Variants in ZAP70 observed in about 807,000 individuals in gnomAD.
ZAP70 encodes the protein zeta chain of T cell receptor associated protein kinase 70.
ZAP70 carries 27 observed loss-of-function variants against 65.8 expected under a neutral mutation model. The ratio of observed to expected loss-of-function variants is 0.41; its 90% CI spans 0.30 to 0.57. The LOEUF is 0.57. ZAP70 is among the 20% of genes least tolerant of loss of function. The pLI, the probability that ZAP70 is intolerant of heterozygous loss-of-function variation, is 0.28. For missense variants in ZAP70, 696 were observed against 870.5 expected (o/e 0.80, Z 2.52); for synonymous variants, 363 against 360.8 (o/e 1.01, Z -0.07).
At chr2:97,735,050 G>A (rs1183596195) in intron 9 of ZAP70, 200 bp from the exon 10 acceptor site, 9 of 693,106 alleles carry the variant, frequency 1.3e-5, no homozygotes, top group African/African-American at 5.4e-5. Flanking sequence ...GGCTGTTCCC[G>A]GTGAGCGATC....
In ZAP70 at chr2:97,724,419, G is replaced by T; in HGVS notation, c.383G>T (p.Arg128Leu). 1 of 1,536,480 alleles carries T rather than the reference G, an allele frequency of 6.5e-7. No individual in the cohort carries two copies. The change falls in exon 3 of 14, where the codon CGC (arginine) becomes CTC (leucine). Residue 128 changes from arginine (R) to leucine (L), a missense_variant. Transcript: ENST00000264972. ...GACGCCATGGTGCGTGACTACGTGCGCCAGACGTGGAAGCTGGAGGTGAGA... is the reference window on the plus strand; with the variant it reads ...GACGCCATGGTGCGTGACTACGTGCTCCAGACGTGGAAGCTGGAGGTGAGA... ...LRDAMVRDYV[R>L]QTWKLEGEAL...
chr2:97,733,242 C>G, intron 6 of ZAP70, 30 bp downstream of exon 6: 1 of 1,609,466 alleles, frequency 6.2e-7, no homozygotes, highest in Non-Finnish European at 8.5e-7. Context: ...GGGCGGTGGG[C>G]GGGGGCGGCA....
At chr2:97,753,039 A>G in the ZAP70 span, among the ~76,000 whole-genome samples, 1 of 152,266 alleles carries the variant, frequency 6.6e-6, no homozygotes, top group African/African-American at 2.4e-5. Context: ...TAGCATAACT[A>G]AATCACTTTA....
chr2:97,734,807 C>A, intron 9 of ZAP70, 95 bp downstream of exon 9: 1 of 1,518,968 alleles, frequency 6.6e-7, no homozygotes, highest in Non-Finnish European at 9.0e-7. Context: ...ATGTCTGTCT[C>A]ACAGCAGTTT....
At chr2:97,739,344 C>T (rs750257670) in intron 13 of ZAP70, 31 bp from the exon 14 acceptor site, 11 of 1,612,002 alleles carry the variant, frequency 6.8e-6, no homozygotes, top group Admixed American at 1.7e-5. Flanking sequence ...GGGGCGTGGT[C>T]AGCAGCCTGG....
chr2:97,735,940 G>A (rs777924231), intron 10 of ZAP70, among the ~76,000 whole-genome samples: 3 of 152,094 alleles, frequency 2.0e-5, no homozygotes, highest in Non-Finnish European at 4.4e-5. Context: ...CCCACGAGGC[G>A]GAGCTTGCAG....
intron 2 of ZAP70, among the ~76,000 whole-genome samples, chr2:97,717,847 G>C (rs1676999918): frequency 6.6e-6 from 1 of 152,198 alleles, no homozygotes; most frequent in South Asian, 2.1e-4. Flanking sequence ...ACCCAGGGAG[G>C]CTGGGTGAAT....
chr2:97,732,578 C>T (rs1677651916), intron 4 of ZAP70: 1 of 485,796 alleles, frequency 2.1e-6, no homozygotes. Context: ...GGTGTCCCCT[C>T]CTCCGTGGCT....
the ZAP70 span, among the ~76,000 whole-genome samples, chr2:97,750,801 G>C: frequency 6.6e-6 from 1 of 152,258 alleles, no homozygotes; most frequent in Admixed American, 6.5e-5. Flanking sequence ...TGCTGGCTAA[G>C]AGGAAAATAA....
At chr2:97,716,821 A>G (rs1676934744) in intron 2 of ZAP70, among the ~76,000 whole-genome samples, 1 of 152,034 alleles carries the variant, frequency 6.6e-6, no homozygotes, top group African/African-American at 2.4e-5. Context: ...AGCAGAGAAG[A>G]GGATGTGATG....
At chr2:97,732,638 G>A (rs1677656162) in intron 4 of ZAP70, 1 of 601,698 alleles carries the variant, frequency 1.7e-6, no homozygotes, top group Admixed American at 3.0e-5. Flanking sequence ...GCCATCTGTT[G>A]GCTCTTGGAG....
At chr2:97,721,785 CTTT>C (rs1462513008) in intron 2 of ZAP70, among the ~76,000 whole-genome samples, 2 of 141,024 alleles carry the variant, frequency 1.4e-5, no homozygotes, top group African/African-American at 2.6e-5. Context: ...TTTATTTTAT[CTTT>C]TTTTTTTTTG....
In ZAP70 at chr2:97,739,572, G is replaced by A. The variant is rs1247520643; in HGVS notation, c.*74G>A. Reference sequence around the variant, plus strand: ...AGCCCCACCCCAGGTCCTGCAGTCTGGCTGAGCCCTGCTTGGTTGTCTCCA... The same window carrying A: ...AGCCCCACCCCAGGTCCTGCAGTCTAGCTGAGCCCTGCTTGGTTGTCTCCA... On this transcript the variant is annotated 3_prime_UTR_variant, in exon 14 of 14. Transcript: ENST00000264972. 4 of 1,556,184 alleles carry A rather than the reference G, an allele frequency of 2.6e-6. No homozygotes were observed. The highest frequency in any genetic ancestry group is 3.5e-6 in the Non-Finnish European group (4 of 1,149,746).
chr2:97,738,419 ATGACAC>A (rs1678001103), intron 13 of ZAP70: 26 of 428,260 alleles, frequency 6.1e-5, no homozygotes, highest in South Asian at 5.7e-4. Flanking sequence ...TACTCAACCT[ATGACAC>A]TGACACTCAG....
chr2:97,715,103 C>T lies in ZAP70; in HGVS notation c.-22+1109C>T, dbSNP rs546372907. 3.9e-5 allele frequency among the ~76,000 whole-genome samples: 6 copies of T among 152,146 alleles called. No individual in the cohort carries two copies. The highest frequency in any genetic ancestry group is 8.8e-5 in the Non-Finnish European group (6 of 67,992). ...TATCCTCACTAGCTCTGGGTGGCCT[C>T]GGGCTCTGGACTCCACAGTTCCTGT... is the stretch of plus-strand genomic sequence containing the variant. On this transcript the variant is annotated intron_variant, in intron 2 of 13. Coordinates refer to ENST00000264972, the MANE Select transcript of ZAP70 (RefSeq NM_001079.4). This position sits in a 1 kb window ranked among gnomAD's most constrained non-coding sequence, Gnocchi z 4.1.
At position 97,724,054 on chromosome 2, in the gene ZAP70, G is replaced by A. The variant is rs1409215902; in HGVS notation, c.18G>A (p.Ala6=). Residue 6 remains alanine (A), a synonymous_variant, in exon 3 of 14, where the codon GCG becomes GCA. Coordinates refer to ENST00000264972, the MANE Select transcript of ZAP70 (RefSeq NM_001079.4). ...CAGGGGCGATGCCAGACCCCGCGGC[G>A]CACCTGCCCTTCTTCTACGGCAGCA... The part of the protein sequence containing the change: MPDPA[A]HLPFFYGSIS... 4.5e-6 allele frequency: 7 copies of A among 1,554,554 alleles called. No homozygotes were observed. The South Asian group carries it at 4.7e-5, about 10-fold the overall frequency.
chr2:97,747,815 G>GGTTTTTTTTTTTT, the ZAP70 span, among the ~76,000 whole-genome samples: 1 of 54,746 alleles, frequency 1.8e-5, no homozygotes, highest in African/African-American at 8.8e-5. Context: ...CTGGCACGAG[G>GGTTTTTTTTTTTT]TTTTTTTTTT....
intron 4 of ZAP70, among the ~76,000 whole-genome samples, chr2:97,730,644 A>C (rs1462210219): frequency 6.6e-6 from 1 of 152,196 alleles, no homozygotes; most frequent in Non-Finnish European, 1.5e-5. Context: ...AAGACAGAGG[A>C]GGAGGCCCCA....
At chr2:97,734,460 G>A in intron 8 of ZAP70, 60 bp from the exon 9 acceptor site, 2 of 1,541,946 alleles carry the variant, frequency 1.3e-6, no homozygotes, top group South Asian at 2.4e-5. Flanking sequence ...GGGGGCTGAG[G>A]CTGCCTTGCT....
Sources: allele counts gnomAD v4.1 joint callset (sites outside exome capture counted in the v4.1 genomes callset), GRCh38; gene constraint gnomAD v4.1.1; non-coding constraint Gnocchi (gnomAD v3.1); transcripts MANE v1.5; gene names NCBI Gene and HGNC (gene_info 2026-07-23, HGNC 2026-07-21).